The following FAM163A variants were observed in gnomAD, a reference collection of about 807,000 sequenced individuals.
The protein encoded by FAM163A is family with sequence similarity 163 member A, also known as protein FAM163A.
A neutral mutation model predicts 12.0 loss-of-function variants in FAM163A; 7 were observed. The observed-to-expected ratio is 0.58, with a 90% CI of 0.33 to 1.10. FAM163A has a LOEUF of 1.10. FAM163A is among the 50% of genes least tolerant of loss of function. FAM163A has a pLI of 0.03. For synonymous variants in FAM163A, 101 were observed against 91.0 expected (o/e 1.11, Z -0.62); for missense variants, 202 against 218.6 (o/e 0.92, Z 0.48).
At chr1:179,751,125 G>GATAT (rs1383778173) in intron 1 of FAM163A, among the ~76,000 whole-genome samples, 3 of 152,152 alleles carry the variant, frequency 2.0e-5, no homozygotes, top group Admixed American at 2.0e-4. Context: ...AGAACAGGTG[G>GATAT]ATATACAGGC....
Position 179,814,110 on chromosome 1 carries a change from C to T in FAM163A, c.425C>T (p.Pro142Leu). 1 of 1,614,200 alleles carries T rather than the reference C, an allele frequency of 6.2e-7. No homozygotes were observed. The highest frequency in any genetic ancestry group is 8.5e-7 in the Non-Finnish European group (1 of 1,180,044). The change falls in exon 5 of 5, where the codon CCC becomes CTC. Residue 142 changes from proline (P) to leucine (L), a missense_variant. Physicochemically the swap from Pro to Leu is moderately conservative, Grantham distance 98. Coordinates refer to ENST00000341785, the MANE Select transcript of FAM163A (RefSeq NM_173509.3). ...GGPPSLKLAA[P>L]QSYPVTWPGS... ...CCCCCATCCCTCAAATTGGCAGCACCCCAGAGTTACCCGGTGACCTGGCCA... is the reference window on the plus strand; with the variant it reads ...CCCCCATCCCTCAAATTGGCAGCACTCCAGAGTTACCCGGTGACCTGGCCA...
chr1:179,781,498 G>T (rs1401189018), intron 1 of FAM163A, among the ~76,000 whole-genome samples: 2 of 151,832 alleles, frequency 1.3e-5, no homozygotes, highest in African/African-American at 4.8e-5. Flanking sequence ...GCAGGCACCT[G>T]GGAATTAGTA....
At position 179,814,138 on chromosome 1, in the gene FAM163A, C is replaced by G. The variant is rs766370723; in HGVS notation, c.453C>G (p.Gly151=). The G allele has an allele frequency of 6.2e-7, 1 of 1,614,206 alleles. No individual in the cohort carries two copies. The highest frequency in any genetic ancestry group is 1.7e-5 in the Admixed American group (1 of 60,014). Residue 151 remains glycine (G), a synonymous_variant, in exon 5 of 5, where the codon GGC becomes GGG. Transcript: ENST00000341785. ...APQSYPVTWP[G]SGREAFTNPR... is the part of the protein sequence containing the mutation. The stretch of plus-strand genomic sequence containing the variant: ...AGAGTTACCCGGTGACCTGGCCAGG[C>G]TCTGGGCGTGAGGCCTTCACCAATC...
chr1:179,733,137 T>C, the FAM163A span, among the ~76,000 whole-genome samples: 3 of 152,160 alleles, frequency 2.0e-5, no homozygotes, highest in African/African-American at 7.2e-5. Flanking sequence ...GCATTCTCAC[T>C]ATGCTTAGGG....
upstream of FAM163A, among the ~76,000 whole-genome samples, chr1:179,738,400 T>C (rs1432444659): frequency 6.6e-6 from 1 of 152,118 alleles, no homozygotes; most frequent in Non-Finnish European, 1.5e-5. Flanking sequence ...AAAATAATAA[T>C]AAAAGCAAAA....
At position 179,815,397 on chromosome 1, in the gene FAM163A, T is replaced by A. The variant is rs1007354218; in HGVS notation, c.*1208T>A. Reference sequence around the variant, plus strand: ...CAGAGCCCGGCATTCTATGTAAGCATCCACCTGTGACGCCGTGGAGCAGGA... The same window carrying A: ...CAGAGCCCGGCATTCTATGTAAGCAACCACCTGTGACGCCGTGGAGCAGGA... On this transcript the variant is annotated 3_prime_UTR_variant, in exon 5 of 5. Coordinates refer to ENST00000341785, the MANE Select transcript of FAM163A (RefSeq NM_173509.3). The A allele has an allele frequency of 7.9e-5, 12 of 152,406 alleles. No individual in the cohort carries two copies. The highest frequency in any genetic ancestry group is 3.9e-4 in the East Asian group (2 of 5,180). The allele number at this position is 152,406 out of a possible 1,614,324, so 9.4% of individuals were successfully genotyped here. A position where few individuals can be genotyped will look rare whatever the true frequency, so the allele number is the denominator to read the frequency against.
intron 1 of FAM163A, among the ~76,000 whole-genome samples, chr1:179,755,547 G>A (rs1339945598): frequency 6.6e-6 from 1 of 152,218 alleles, no homozygotes; most frequent in Non-Finnish European, 1.5e-5. Flanking sequence ...TTGGCAGTGG[G>A]ATCGGGGTTA....
chr1:179,810,504 G>C (rs1487277256), intron 2 of FAM163A, among the ~76,000 whole-genome samples: 1 of 152,144 alleles, frequency 6.6e-6, no homozygotes, highest in African/African-American at 2.4e-5. Context: ...GCAGTTCCTG[G>C]AACTGTTTTC....
chr1:179,770,807 G>A lies in FAM163A; in HGVS notation c.-136+27384G>A, dbSNP rs191957311. ...TCCTTCTCTGTGCTCACCTGGAAAC[G>A]CCCCCATCATAGGACTTAGCCCCCT... On this transcript the variant is annotated intron_variant, in intron 1 of 4. Transcript: ENST00000341785. 7.6e-3 allele frequency among the ~76,000 whole-genome samples: 1,154 copies of A among 151,994 alleles called. 22 individuals carry two copies. Among genetic ancestry groups the A allele is most frequent in the African/African-American group, 0.026 (1,073 of 41,410 alleles).
At chr1:179,772,970 C>A (rs535590641) in intron 1 of FAM163A, among the ~76,000 whole-genome samples, 3 of 150,038 alleles carry the variant, frequency 2.0e-5, no homozygotes, top group Admixed American at 6.7e-5. Flanking sequence ...GCAGCCTTCC[C>A]AAGAGACCCA....
At chr1:179,748,006 C>G (rs987958490) in intron 1 of FAM163A, among the ~76,000 whole-genome samples, 5 of 152,034 alleles carry the variant, frequency 3.3e-5, no homozygotes, top group South Asian at 2.1e-4. Flanking sequence ...CTTCTCATTG[C>G]TTTGGTCCAG....
chr1:179,810,786 A>G (rs563457379), intron 2 of FAM163A, among the ~76,000 whole-genome samples: 24 of 152,194 alleles, frequency 1.6e-4, no homozygotes, highest in African/African-American at 4.1e-4. Flanking sequence ...TAATCCCAGC[A>G]CTTTGGGAGG....
chr1:179,770,146 C>G (rs1688079736), intron 1 of FAM163A, among the ~76,000 whole-genome samples: 1 of 152,014 alleles, frequency 6.6e-6, no homozygotes, highest in Non-Finnish European at 1.5e-5. Context: ...ACCTCGTGAT[C>G]TGCCTGCCTT....
chr1:179,770,167 AGT>A (rs1321543175), intron 1 of FAM163A, among the ~76,000 whole-genome samples: 1 of 151,296 alleles, frequency 6.6e-6, no homozygotes, highest in Admixed American at 6.6e-5. Flanking sequence ...GGCCTCTCAA[AGT>A]GCTGGGATTA....
At chr1:179,782,961 T>C (rs1225530380) in intron 1 of FAM163A, among the ~76,000 whole-genome samples, 2 of 152,100 alleles carry the variant, frequency 1.3e-5, no homozygotes, top group African/African-American at 4.8e-5. Flanking sequence ...TGAAAGCCAT[T>C]CATTCATTCA....
intron 1 of FAM163A, among the ~76,000 whole-genome samples, chr1:179,760,449 A>G (rs1269359283): frequency 2.0e-5 from 3 of 152,210 alleles, no homozygotes; most frequent in African/African-American, 7.2e-5. Context: ...ACTCAGGGGA[A>G]GGGGAGATCC....
chr1:179,773,989 G>A (rs1332694691), intron 1 of FAM163A, among the ~76,000 whole-genome samples: 1 of 152,246 alleles, frequency 6.6e-6, no homozygotes, highest in African/African-American at 2.4e-5. Flanking sequence ...TGTAGTGACT[G>A]CAGTGAGAGC....
intron 1 of FAM163A, among the ~76,000 whole-genome samples, chr1:179,758,456 T>C (rs1383318481): frequency 6.6e-6 from 1 of 152,184 alleles, no homozygotes; most frequent in Non-Finnish European, 1.5e-5. Flanking sequence ...GCCCCACCCC[T>C]ACTCCATCAC....
intron 1 of FAM163A, among the ~76,000 whole-genome samples, chr1:179,793,620 A>G (rs1691836933): frequency 6.6e-6 from 1 of 152,238 alleles, no homozygotes; most frequent in South Asian, 2.1e-4. Context: ...TCTGGAACTC[A>G]TATTTCAGGT....
Sources: gnomAD v4.1 joint callset for allele counts (sites outside exome capture counted in the v4.1 genomes callset) on GRCh38, gnomAD v4.1.1 for gene constraint, MANE v1.5 for transcripts, NCBI Gene and HGNC (gene_info 2026-07-23, HGNC 2026-07-21) for gene names.